Variants in TMEM132D observed in about 807,000 individuals in gnomAD.
The protein encoded by TMEM132D is mature OL transmembrane protein.
A neutral mutation model predicts 62.3 loss-of-function variants in TMEM132D; 21 were observed. That is an observed-to-expected ratio of 0.34 (90% CI 0.24 to 0.49). TMEM132D has a LOEUF of 0.49. Among genes scored for constraint, TMEM132D ranks in the 20% least tolerant of loss-of-function variants. TMEM132D has a pLI of 0.99. For missense variants in TMEM132D, 1,346 were observed against 1,402.8 expected (o/e 0.96, Z 0.65); for synonymous variants, 621 against 575.6 (o/e 1.08, Z -1.13).
At chr12:129,843,521 A>G (rs1873264311) in intron 1 of TMEM132D, among the ~76,000 whole-genome samples, 1 of 152,238 alleles carries the variant, frequency 6.6e-6, no homozygotes, top group Non-Finnish European at 1.5e-5. Context: ...TTGACAGATT[A>G]TTTATGCAAT....
chr12:129,189,117 G>C (rs1177115234), intron 5 of TMEM132D, among the ~76,000 whole-genome samples: 1 of 151,722 alleles, frequency 6.6e-6, no homozygotes, highest in South Asian at 2.1e-4. Context: ...GGGGAAGTGC[G>C]TCTGGCCTTC....
chr12:129,336,569 C>CAAAAA lies in TMEM132D; in HGVS notation c.1299+1060_1299+1064dup, dbSNP rs1422495874. On this transcript the variant is annotated intron_variant, in intron 4 of 8. Transcript: ENST00000422113. ...CCTGGGCAACAGACTGGCACTCCGT[C>CAAAAA]AAAAAGAAAAAAAAAAGAACATTAC... is the stretch of plus-strand genomic sequence containing the variant. Among the ~76,000 whole-genome samples the CAAAAA allele has an allele frequency of 7.1e-3, 1,060 of 149,178 alleles. 9 individuals carry two copies. The highest frequency in any genetic ancestry group is 0.025 in the African/African-American group (995 of 40,268).
At chr12:129,367,764 T>A (rs1025927403) in intron 3 of TMEM132D, among the ~76,000 whole-genome samples, 8 of 147,852 alleles carry the variant, frequency 5.4e-5, no homozygotes, top group African/African-American at 1.5e-4. Flanking sequence ...CTCTTTCTTT[T>A]TCCATTTCTT....
chr12:129,100,249 C>G (rs973619722), intron 5 of TMEM132D, among the ~76,000 whole-genome samples: 2 of 152,158 alleles, frequency 1.3e-5, no homozygotes, highest in Non-Finnish European at 2.9e-5. Flanking sequence ...ACCATGTTAG[C>G]CAGGCTGGTA....
intron 2 of TMEM132D, among the ~76,000 whole-genome samples, chr12:129,631,389 A>T (rs1269711161): frequency 6.6e-6 from 1 of 152,214 alleles, no homozygotes; most frequent in Non-Finnish European, 1.5e-5. Flanking sequence ...GCCTGGGTTA[A>T]CAGAGAGGGG....
At position 129,737,916 on chromosome 12, in the gene TMEM132D, C is replaced by T. The variant is rs572594349; in HGVS notation, c.80-37218G>A. Among the ~76,000 whole-genome samples, 68 of 152,318 alleles carry T rather than the reference C, an allele frequency of 4.5e-4. 2 individuals are homozygous for T. In the South Asian group the frequency reaches 0.013, roughly 30 times the overall value. On this transcript the variant is annotated intron_variant, in intron 1 of 8. Coordinates refer to ENST00000422113, the MANE Select transcript of TMEM132D (RefSeq NM_133448.3). The stretch of plus-strand genomic sequence containing the variant: ...GATGGTTCAACTCTTTGGTTTGTAT[C>T]CATTGTGGCAATGCCACAAAGACTC...
intron 1 of TMEM132D, among the ~76,000 whole-genome samples, chr12:129,835,529 G>T (rs544304372): frequency 6.6e-6 from 1 of 152,244 alleles, no homozygotes. Flanking sequence ...GACCTCAAAT[G>T]ATCCACCTGC....
intron 1 of TMEM132D, among the ~76,000 whole-genome samples, chr12:129,785,924 A>C (rs902669005): frequency 6.6e-6 from 1 of 152,220 alleles, no homozygotes; most frequent in Non-Finnish European, 1.5e-5. Flanking sequence ...TCGAAATAGC[A>C]GTTTATGATT....
At chr12:129,854,201 A>C (rs1225365350) in intron 1 of TMEM132D, among the ~76,000 whole-genome samples, 2 of 152,194 alleles carry the variant, frequency 1.3e-5, no homozygotes, top group Non-Finnish European at 2.9e-5. Flanking sequence ...CCCTGGGGAC[A>C]CAAAACGTTC....
chr12:129,808,098 A>G lies in TMEM132D; in HGVS notation c.79+95163T>C, dbSNP rs538333339. Among the ~76,000 whole-genome samples the G allele has an allele frequency of 1.7e-4, 26 of 152,366 alleles. 1 individual carries two copies. Among genetic ancestry groups the G allele is most frequent in the African/African-American group, 5.5e-4 (23 of 41,596 alleles). On this transcript the variant is annotated intron_variant, in intron 1 of 8. Coordinates refer to ENST00000422113, the MANE Select transcript of TMEM132D (RefSeq NM_133448.3). ...TTAGGAAACGGTGATTTAGATTCTAAGCTGAAAGGAGCTAGTTGCACACCG... is the reference window on the plus strand; with the variant it reads ...TTAGGAAACGGTGATTTAGATTCTAGGCTGAAAGGAGCTAGTTGCACACCG...
intron 3 of TMEM132D, among the ~76,000 whole-genome samples, chr12:129,434,167 G>A (rs998217397): frequency 2.0e-5 from 3 of 152,172 alleles, no homozygotes; most frequent in Non-Finnish European, 2.9e-5. Context: ...ACTTAGGTTG[G>A]AAGAGGAGGT....
At chr12:129,362,332 G>T (rs1451377557) in intron 3 of TMEM132D, among the ~76,000 whole-genome samples, 1 of 152,108 alleles carries the variant, frequency 6.6e-6, no homozygotes, top group East Asian at 1.9e-4. Flanking sequence ...TGTGGTGGGA[G>T]GAAGAACTAG....
intron 3 of TMEM132D, among the ~76,000 whole-genome samples, chr12:129,479,075 C>T (rs905530870): frequency 3.3e-5 from 5 of 152,178 alleles, no homozygotes; most frequent in Admixed American, 2.6e-4. Context: ...TTAGTTGAGA[C>T]CATCTGCAGT....
chr12:129,873,482 G>A (rs571033379), intron 1 of TMEM132D, among the ~76,000 whole-genome samples: 1 of 152,158 alleles, frequency 6.6e-6, no homozygotes, highest in Non-Finnish European at 1.5e-5. Context: ...AAGCTGATTC[G>A]TCAAAAGCAG....
At chr12:129,150,090 T>G (rs1311430744) in intron 5 of TMEM132D, among the ~76,000 whole-genome samples, 2 of 152,256 alleles carry the variant, frequency 1.3e-5, no homozygotes, top group Non-Finnish European at 2.9e-5. Flanking sequence ...AGGGTCATCG[T>G]GTCCCAGAGG....
intron 4 of TMEM132D, among the ~76,000 whole-genome samples, chr12:129,293,630 G>A (rs1260634874): frequency 6.6e-6 from 1 of 152,152 alleles, no homozygotes; most frequent in East Asian, 1.9e-4. Context: ...CCCATCTGGG[G>A]GTGATGGAGA....
intron 1 of TMEM132D, among the ~76,000 whole-genome samples, chr12:129,714,648 C>T (rs1868499797): frequency 6.6e-6 from 1 of 152,162 alleles, no homozygotes; most frequent in South Asian, 2.1e-4. Flanking sequence ...TAATATTTCA[C>T]AGTGTATATG....
At chr12:129,773,261 C>T (rs964939567) in intron 1 of TMEM132D, among the ~76,000 whole-genome samples, 5 of 152,170 alleles carry the variant, frequency 3.3e-5, no homozygotes, top group Non-Finnish European at 2.9e-5. Flanking sequence ...GCGAGGGCGG[C>T]GGCAGTGAGC....
chr12:129,248,677 A>C lies in TMEM132D; in HGVS notation c.1300-39014T>G, dbSNP rs961441505. ...CACCCAGGTATTAAGCCTAGTATCC[A>C]TTAGTTATTTTTCCCAATTTGCTCC... On this transcript the variant is annotated intron_variant, in intron 4 of 8. Coordinates refer to ENST00000422113, the MANE Select transcript of TMEM132D (RefSeq NM_133448.3). 3.9e-5 allele frequency among the ~76,000 whole-genome samples: 6 copies of C among 152,182 alleles called. 1 individual carries two copies. In the South Asian group the frequency reaches 1.2e-3, roughly 32 times the overall value.
Sources: allele counts gnomAD v4.1 joint callset (sites outside exome capture counted in the v4.1 genomes callset), GRCh38; gene constraint gnomAD v4.1.1; transcripts MANE v1.5; gene names NCBI Gene and HGNC (gene_info 2026-07-23, HGNC 2026-07-21).